The following PHACTR1 variants were observed in gnomAD, a reference collection of about 807,000 sequenced individuals.
The protein encoded by PHACTR1 is RPEL repeat containing 1.
Under a neutral mutation model 69.2 loss-of-function variants are expected in PHACTR1, and 16 were observed. The ratio of observed to expected loss-of-function variants is 0.23; its 90% CI spans 0.16 to 0.35. The LOEUF is 0.35. Among genes scored for constraint, PHACTR1 ranks in the 10% least tolerant of loss-of-function variants. PHACTR1 has a pLI of 1.00. For synonymous variants in PHACTR1, 312 were observed against 284.5 expected (o/e 1.10, Z -0.97); for missense variants, 510 against 734.7 (o/e 0.69, Z 3.54).
intron 4 of PHACTR1, among the ~76,000 whole-genome samples, chr6:12,865,873 G>A (rs1002039398): frequency 2.6e-5 from 4 of 152,114 alleles, no homozygotes; most frequent in African/African-American, 9.7e-5. Context: ...CCTAGGGAAT[G>A]CAGATGGCTC....
intron 4 of PHACTR1, among the ~76,000 whole-genome samples, chr6:12,913,116 A>G (rs1786592083): frequency 1.3e-5 from 2 of 152,230 alleles, no homozygotes; most frequent in Non-Finnish European, 2.9e-5. Flanking sequence ...GAAAAACCCA[A>G]GGTAGACATA....
At chr6:12,758,517 G>T (rs1180757730) in intron 4 of PHACTR1, among the ~76,000 whole-genome samples, 1 of 144,208 alleles carries the variant, frequency 6.9e-6, no homozygotes, top group Non-Finnish European at 1.5e-5. Flanking sequence ...GACATTATAA[G>T]CATTTTCTTA....
At position 12,880,101 on chromosome 6, in the gene PHACTR1, G is replaced by GGTAGGT. The variant is rs1782934220; in HGVS notation, c.250+130312_250+130317dup. Among the ~76,000 whole-genome samples, 3 of 152,158 alleles carry GGTAGGT rather than the reference G, an allele frequency of 2.0e-5. No individual in the cohort carries two copies. In the South Asian group the frequency reaches 6.2e-4, roughly 32 times the overall value. Reference sequence around the variant, plus strand: ...CCTAAACTTCACAGCAACCCTTTGAGGTAGGTACTATGATCACCAAGTCTA... The same window carrying GGTAGGT: ...CCTAAACTTCACAGCAACCCTTTGAGGTAGGTGTAGGTACTATGATCACCAAGTCTA... On this transcript the variant is annotated intron_variant, in intron 4 of 14. Transcript: ENST00000332995.
At chr6:13,130,380 C>A (rs1227534376) in intron 5 of PHACTR1, among the ~76,000 whole-genome samples, 1 of 152,008 alleles carries the variant, frequency 6.6e-6, no homozygotes, top group Non-Finnish European at 1.5e-5. Flanking sequence ...AAAACTGGTT[C>A]TTTGAAAAGA....
intron 4 of PHACTR1, among the ~76,000 whole-genome samples, chr6:12,994,242 G>T (rs1458981655): frequency 2.0e-5 from 3 of 152,144 alleles, no homozygotes; most frequent in African/African-American, 7.2e-5. Context: ...TGAAAAATAT[G>T]ATATATTAGG....
chr6:12,991,127 A>G (rs1796773364), intron 4 of PHACTR1, among the ~76,000 whole-genome samples: 1 of 152,230 alleles, frequency 6.6e-6, no homozygotes, highest in Non-Finnish European at 1.5e-5. Context: ...TCTTCTGCCC[A>G]GTATTTCCCT....
intron 9 of PHACTR1, 65 bp from the exon 10 acceptor site, chr6:13,229,972 G>C (rs1770553507): frequency 2.7e-6 from 4 of 1,492,812 alleles, no homozygotes; most frequent in South Asian, 2.7e-5. Context: ...TATGACCCAG[G>C]GTTGGCCCTG....
At chr6:12,853,338 T>C (rs932463583) in intron 4 of PHACTR1, among the ~76,000 whole-genome samples, 3 of 152,146 alleles carry the variant, frequency 2.0e-5, no homozygotes, top group African/African-American at 4.8e-5. Flanking sequence ...ACGAAACACC[T>C]AGACAGGCAA....
chr6:13,081,274 G>A (rs185898449), intron 5 of PHACTR1, among the ~76,000 whole-genome samples: 15 of 152,278 alleles, frequency 9.9e-5, no homozygotes, highest in Non-Finnish European at 2.9e-5. Context: ...TTCCTCATGC[G>A]TGAAGTGGTG....
At chr6:12,741,070 T>C (rs1447704086) in intron 3 of PHACTR1, among the ~76,000 whole-genome samples, 2 of 152,046 alleles carry the variant, frequency 1.3e-5, no homozygotes, top group African/African-American at 4.8e-5. Flanking sequence ...TTCTTCTAAG[T>C]TTCTAAGATA....
chr6:13,249,715 C>T (rs147686952), intron 10 of PHACTR1, among the ~76,000 whole-genome samples: 88 of 148,974 alleles, frequency 5.9e-4, no homozygotes, highest in African/African-American at 1.9e-3. Flanking sequence ...AGGAGAATCA[C>T]TTGAACCTGG....
intron 4 of PHACTR1, among the ~76,000 whole-genome samples, chr6:12,883,537 G>C (rs1431813844): frequency 6.6e-6 from 1 of 150,524 alleles, no homozygotes; most frequent in Non-Finnish European, 1.5e-5. Context: ...TTTTTTAAAG[G>C]TAGAAAGTCT....
intron 4 of PHACTR1, among the ~76,000 whole-genome samples, chr6:13,001,278 C>T (rs1180971473): frequency 6.6e-6 from 1 of 152,216 alleles, no homozygotes; most frequent in Non-Finnish European, 1.5e-5. Context: ...GATGCCATCT[C>T]ATCCCACTCT....
At chr6:13,187,084 G>C (rs1205227211) in intron 7 of PHACTR1, among the ~76,000 whole-genome samples, 22 of 152,144 alleles carry the variant, frequency 1.4e-4, no homozygotes, top group Non-Finnish European at 4.4e-5. Context: ...AGGAGGTGGA[G>C]CTCAGGAGGT....
chr6:13,160,550 A>C (rs1423849704), intron 6 of PHACTR1, among the ~76,000 whole-genome samples: 1 of 152,200 alleles, frequency 6.6e-6, no homozygotes, highest in Non-Finnish European at 1.5e-5. Flanking sequence ...TGGCCCCGGG[A>C]ATGATGCAGG....
chr6:12,842,501 C>A (rs1350012144), intron 4 of PHACTR1, among the ~76,000 whole-genome samples: 2 of 152,184 alleles, frequency 1.3e-5, no homozygotes, highest in Non-Finnish European at 2.9e-5. Flanking sequence ...TAGTAAAACA[C>A]ATTTTAATCA....
chr6:12,800,642 A>T (rs9472587), intron 4 of PHACTR1, among the ~76,000 whole-genome samples: 56,457 of 151,968 alleles, frequency 0.37, 11,284 homozygotes, highest in African/African-American at 0.5. Flanking sequence ...TCCCAGTACT[A>T]TGGGAGGCCA....
At chr6:13,251,362 C>T (rs1774376113) in intron 10 of PHACTR1, among the ~76,000 whole-genome samples, 1 of 152,156 alleles carries the variant, frequency 6.6e-6, no homozygotes, top group African/African-American at 2.4e-5. Flanking sequence ...GTCTGGTGCT[C>T]CCTGAGAGGG....
intron 4 of PHACTR1, among the ~76,000 whole-genome samples, chr6:12,905,119 C>T (rs78414035): frequency 1.3e-5 from 2 of 152,148 alleles, no homozygotes; most frequent in Non-Finnish European, 2.9e-5. Flanking sequence ...CTGGTCCCAA[C>T]CCCATGGAGC....
Sources: gnomAD v4.1 joint callset for allele counts (sites outside exome capture counted in the v4.1 genomes callset) on GRCh38, gnomAD v4.1.1 for gene constraint, MANE v1.5 for transcripts, NCBI Gene and HGNC (gene_info 2026-07-23, HGNC 2026-07-21) for gene names.